CHRM2: variants seen among roughly 807,000 people sequenced by gnomAD.
The protein encoded by CHRM2 is cholinergic receptor muscarinic 2.
Under a neutral mutation model 25.0 loss-of-function variants are expected in CHRM2, and 8 were observed. The observed-to-expected ratio is 0.32, with a 90% confidence interval of 0.19 to 0.58. The LOEUF (loss-of-function observed/expected upper bound fraction) is 0.58. CHRM2 is among the 20% of genes least tolerant of loss of function. CHRM2 has a pLI of 0.88. For missense variants in CHRM2, 440 were observed against 567.1 expected (o/e 0.78, Z 2.28); for synonymous variants, 202 against 205.7 (o/e 0.98, Z 0.15).
At position 137,014,887 on chromosome 7, in the gene CHRM2, T is replaced by G; in HGVS notation, c.22T>G (p.Ser8Ala). 1 of 1,613,162 alleles carries G rather than the reference T, an allele frequency of 6.2e-7. No individual in the cohort carries two copies. The highest frequency in any genetic ancestry group is 1.1e-5 in the South Asian group (1 of 91,070). Residue 8 changes from serine (S) to alanine (A), a missense_variant, in exon 4 of 4, where the codon TCT becomes GCT. By Grantham distance (99) the Ser-to-Ala change is moderately conservative. Coordinates refer to ENST00000680005, the MANE Select transcript of CHRM2 (RefSeq NM_001006630.2). ...CAAAATGAATAACTCAACAAACTCC[T>G]CTAACAATAGCCTGGCTCTTACAAG... MNNSTNSSNNSLALTSPY... is the reference protein window; with the variant it reads MNNSTNSANNSLALTSPY...
intron 2 of CHRM2, among the ~76,000 whole-genome samples, chr7:136,961,332 A>G (rs1801070175): frequency 6.6e-6 from 1 of 152,204 alleles, no homozygotes; most frequent in Non-Finnish European, 1.5e-5. Context: ...AAGGTAGGCT[A>G]GGCTAAGCTA....
intron 2 of CHRM2, among the ~76,000 whole-genome samples, chr7:136,913,595 C>T (rs1024621850): frequency 6.6e-6 from 1 of 151,874 alleles, no homozygotes; most frequent in African/African-American, 2.4e-5. Flanking sequence ...ATAACCAAAA[C>T]CTAATCACCA....
intron 2 of CHRM2, among the ~76,000 whole-genome samples, chr7:136,917,131 A>C (rs919308232): frequency 6.6e-6 from 1 of 151,166 alleles, no homozygotes; most frequent in Non-Finnish European, 1.5e-5. Context: ...CATACAACTC[A>C]GTGACATTCA....
rs1297853144 is a variant in CHRM2 at position 136,869,161 on chromosome 7, C to T, written c.-282-100C>T. ...GCGCGCGCCAGCCCCGCAGCTCTCGCCAGAGCCTTGGGGTCGGTTCTCTCC... is the reference window on the plus strand; with the variant it reads ...GCGCGCGCCAGCCCCGCAGCTCTCGTCAGAGCCTTGGGGTCGGTTCTCTCC... On this transcript the variant is annotated intron_variant, in intron 1 of 3. Transcript: ENST00000680005. The surrounding 1 kb of genome is among the most constrained non-coding windows in gnomAD (Gnocchi z 4.9). 6.6e-6 allele frequency: 1 copy of T among 152,450 alleles called. No homozygotes were observed. Among genetic ancestry groups the T allele is most frequent in the East Asian group, 1.9e-4 (1 of 5,190 alleles). The allele number at this position is 152,450 out of a possible 1,614,324, so 9.4% of individuals were successfully genotyped here.
At chr7:136,888,970 C>G (rs1030544581) in intron 2 of CHRM2, among the ~76,000 whole-genome samples, 1 of 143,660 alleles carries the variant, frequency 7.0e-6, no homozygotes, top group Admixed American at 7.0e-5. Flanking sequence ...ATGGCATGAA[C>G]CCGGGAGGCG....
Position 137,002,901 on chromosome 7 carries a change from T to C in CHRM2, c.-47+10637T>C, listed in dbSNP as rs117928810. ...TGCTTAACAGTCACTATTATCATGG[T>C]GTATTATGCTAAGAGGCTGTTATAT... On this transcript the variant is annotated intron_variant, in intron 3 of 3. Coordinates refer to ENST00000680005, the MANE Select transcript of CHRM2 (RefSeq NM_001006630.2). 4.6e-3 allele frequency among the ~76,000 whole-genome samples: 702 copies of C among 152,192 alleles called. 5 individuals carry two copies. The highest frequency in any genetic ancestry group is 7.2e-3 in the Non-Finnish European group (487 of 68,008).
intron 2 of CHRM2, among the ~76,000 whole-genome samples, chr7:136,882,445 C>T (rs1265635431): frequency 6.6e-6 from 1 of 151,140 alleles, no homozygotes. Flanking sequence ...CTCCTCCTTC[C>T]CCCTCCTTCT....
chr7:136,977,330 AG>A lies in CHRM2; in HGVS notation c.-124-14855del, dbSNP rs1380963986. ...CTGATTTCCCCTAACTTCTCTTCTT[AG>A]GATTTTATGTCCTTTGCTGATCAGC... On this transcript the variant is annotated intron_variant, in intron 2 of 3. Transcript: ENST00000680005. 2.0e-5 allele frequency among the ~76,000 whole-genome samples: 3 copies of A among 152,272 alleles called. No individual in the cohort carries two copies. In the East Asian group the frequency reaches 5.8e-4, roughly 29 times the overall value.
intron 2 of CHRM2, among the ~76,000 whole-genome samples, chr7:136,896,042 A>G (rs1796885606): frequency 6.6e-6 from 1 of 152,166 alleles, no homozygotes; most frequent in South Asian, 2.1e-4. Context: ...CTTGTTTTTA[A>G]ATTTTATTTG....
At chr7:136,895,511 T>A (rs999444706) in intron 2 of CHRM2, among the ~76,000 whole-genome samples, 1 of 152,226 alleles carries the variant, frequency 6.6e-6, no homozygotes. Flanking sequence ...GTTTCTGCTC[T>A]TTTGGCCATG....
intron 2 of CHRM2, among the ~76,000 whole-genome samples, chr7:136,963,131 A>G (rs1224161838): frequency 6.6e-6 from 1 of 152,196 alleles, no homozygotes; most frequent in African/African-American, 2.4e-5. Context: ...TTACTTTTGA[A>G]ACAAAACATT....
At chr7:136,946,761 T>A (rs1800097309) in intron 2 of CHRM2, among the ~76,000 whole-genome samples, 1 of 152,174 alleles carries the variant, frequency 6.6e-6, no homozygotes, top group Non-Finnish European at 1.5e-5. Context: ...AATTTAAAAA[T>A]ATTCACATAA....
chr7:137,014,029 T>A (rs566531221), intron 3 of CHRM2, among the ~76,000 whole-genome samples: 1 of 152,100 alleles, frequency 6.6e-6, no homozygotes, highest in East Asian at 1.9e-4. Context: ...CTCCCATAAT[T>A]TTGTCTTCTT....
At chr7:136,878,236 T>C (rs1016108763) in intron 2 of CHRM2, among the ~76,000 whole-genome samples, 1 of 152,008 alleles carries the variant, frequency 6.6e-6, no homozygotes, top group Non-Finnish European at 1.5e-5. Flanking sequence ...GGCCAAAGCA[T>C]GTTTCCCAGA....
At chr7:137,012,835 T>G (rs1804911290) in intron 3 of CHRM2, among the ~76,000 whole-genome samples, 1 of 151,978 alleles carries the variant, frequency 6.6e-6, no homozygotes, top group Non-Finnish European at 1.5e-5. Context: ...TCTTAATACA[T>G]TTTTATAGAT....
intron 2 of CHRM2, among the ~76,000 whole-genome samples, chr7:136,894,099 T>C (rs1388432528): frequency 3.3e-5 from 5 of 152,118 alleles, no homozygotes; most frequent in Non-Finnish European, 7.3e-5. Context: ...ATCCTCAGCT[T>C]GGAGGTGACA....
rs77678163 is a variant in CHRM2, at chr7:136,873,817, T to G, written c.-125+4399T>G. ...ATGTTTTTGTTAGATCCTCCAAACC[T>G]TAAGCAAAGAAGAGGCAGTGCTGAG... On this transcript the variant is annotated intron_variant, in intron 2 of 3. Transcript: ENST00000680005. Among the ~76,000 whole-genome samples the G allele has an allele frequency of 2.7e-3, 406 of 152,350 alleles. 1 individual carries two copies. Among genetic ancestry groups the G allele is most frequent in the African/African-American group, 9.5e-3 (394 of 41,586 alleles).
At chr7:136,878,804 C>G (rs1391646009) in intron 2 of CHRM2, among the ~76,000 whole-genome samples, 1 of 151,808 alleles carries the variant, frequency 6.6e-6, no homozygotes, top group Non-Finnish European at 1.5e-5. Flanking sequence ...AGCATTATTT[C>G]CACATCTAAG....
intron 2 of CHRM2, among the ~76,000 whole-genome samples, chr7:136,931,360 A>C (rs1799093954): frequency 6.6e-6 from 1 of 152,220 alleles, no homozygotes; most frequent in African/African-American, 2.4e-5. Flanking sequence ...CAGTTAAGTG[A>C]TAAAGATTTT....
Sources: gnomAD v4.1 joint callset for allele counts (sites outside exome capture counted in the v4.1 genomes callset) on GRCh38, gnomAD v4.1.1 for gene constraint, Gnocchi (gnomAD v3.1) non-coding constraint, MANE v1.5 for transcripts, NCBI Gene and HGNC (gene_info 2026-07-23, HGNC 2026-07-21) for gene names.